The following ESRRG variants were observed in gnomAD, a reference collection of about 807,000 sequenced individuals.
The protein encoded by ESRRG is estrogen-related receptor gamma.
A neutral mutation model predicts 44.0 loss-of-function variants in ESRRG; 13 were observed. That is an observed-to-expected ratio of 0.30 (90% CI 0.19 to 0.47). ESRRG has a LOEUF of 0.47. ESRRG is among the 20% of genes least tolerant of loss of function. The probability of loss-of-function intolerance (pLI) is 1.00; values close to 1 mark genes in which losing one functional copy is unlikely to be tolerated. For missense variants in ESRRG, 395 were observed against 580.6 expected (o/e 0.68, Z 3.29); for synonymous variants, 215 against 214.6 (o/e 1.00, Z -0.02).
chr1:217,070,605 C>T (rs753104891), intron 1 of ESRRG, among the ~76,000 whole-genome samples: 78 of 152,168 alleles, frequency 5.1e-4, no homozygotes, highest in African/African-American at 1.7e-3. Context: ...GGTCTCGAAC[C>T]CCTGACCTCA....
chr1:216,739,180 A>C (rs1257169613), intron 2 of ESRRG, among the ~76,000 whole-genome samples: 1 of 152,092 alleles, frequency 6.6e-6, no homozygotes, highest in African/African-American at 2.4e-5. Context: ...CTTGAGAGTA[A>C]AACTGCATCC....
At chr1:216,540,855 T>G (rs2052482176) in intron 5 of ESRRG, among the ~76,000 whole-genome samples, 1 of 152,066 alleles carries the variant, frequency 6.6e-6, no homozygotes, top group Admixed American at 6.6e-5. Context: ...TTTCACTACT[T>G]AAAATTTTAC....
chr1:216,641,644 T>C (rs1361397289), intron 3 of ESRRG, among the ~76,000 whole-genome samples: 1 of 152,244 alleles, frequency 6.6e-6, no homozygotes, highest in African/African-American at 2.4e-5. Flanking sequence ...AATTTTTCTT[T>C]ATGTTCCAAT....
chr1:217,060,829 T>A (rs972996080), intron 1 of ESRRG, among the ~76,000 whole-genome samples: 4 of 149,788 alleles, frequency 2.7e-5, no homozygotes, highest in African/African-American at 9.9e-5. Context: ...GATAGATAGA[T>A]AGAAAAAAGG....
At chr1:216,957,434 C>T (rs1207051782) in intron 1 of ESRRG, among the ~76,000 whole-genome samples, 1 of 152,144 alleles carries the variant, frequency 6.6e-6, no homozygotes, top group Non-Finnish European at 1.5e-5. Flanking sequence ...TCAAAATTAA[C>T]ATTTCCAAAA....
chr1:216,849,833 A>G (rs138741339), intron 2 of ESRRG, among the ~76,000 whole-genome samples: 17 of 152,162 alleles, frequency 1.1e-4, no homozygotes, highest in African/African-American at 4.1e-4. Context: ...AGCCATCTAT[A>G]CTACAGTTTT....
intron 2 of ESRRG, among the ~76,000 whole-genome samples, chr1:216,873,569 T>C (rs2096291066): frequency 6.6e-6 from 1 of 151,996 alleles, no homozygotes; most frequent in African/African-American, 2.4e-5. Context: ...ACCAATGGAT[T>C]CTCTTAATTT....
intron 2 of ESRRG, among the ~76,000 whole-genome samples, chr1:216,909,952 A>G (rs1237664254): frequency 6.6e-6 from 1 of 152,180 alleles, no homozygotes; most frequent in Non-Finnish European, 1.5e-5. Flanking sequence ...AACAAAGAAC[A>G]TTGGATGTAG....
chr1:216,548,080 T>A (rs2055111891), intron 5 of ESRRG, among the ~76,000 whole-genome samples: 1 of 152,020 alleles, frequency 6.6e-6, no homozygotes, highest in African/African-American at 2.4e-5. Flanking sequence ...AAAATTCACA[T>A]CGGTTTTGCA....
intron 2 of ESRRG, among the ~76,000 whole-genome samples, chr1:216,905,858 G>A (rs1416474122): frequency 6.6e-6 from 1 of 152,092 alleles, no homozygotes; most frequent in Non-Finnish European, 1.5e-5. Flanking sequence ...TCAAGTGATT[G>A]TCTTGCCTCA....
chr1:216,779,486 A>ATATAAT (rs2093818815), intron 2 of ESRRG, among the ~76,000 whole-genome samples: 1 of 4,144 alleles, frequency 2.4e-4, no homozygotes. Context: ...ATAAATATAA[A>ATATAAT]TATATATTTA....
rs189804904 is a variant in ESRRG at position 216,773,408 on chromosome 1, C to A, written c.-13-95917G>T. On this transcript the variant is annotated intron_variant, in intron 2 of 7. Transcript: ENST00000359162. ...GACTGCCTTGATGTAGATATGGTAT[C>A]TTACTTAGGGAATTTATTTCTGCAC... Among the ~76,000 whole-genome samples the A allele has an allele frequency of 2.7e-3, 409 of 152,178 alleles. 1 individual carries two copies. Among genetic ancestry groups the A allele is most frequent in the African/African-American group, 9.6e-3 (397 of 41,532 alleles).
chr1:216,819,768 A>C (rs2095246689), intron 2 of ESRRG, among the ~76,000 whole-genome samples: 1 of 152,168 alleles, frequency 6.6e-6, no homozygotes, highest in Admixed American at 6.6e-5. Flanking sequence ...TAATATTAAT[A>C]ATCCTAAGCA....
chr1:216,648,646 T>A (rs1208076714), intron 3 of ESRRG, among the ~76,000 whole-genome samples: 1 of 152,192 alleles, frequency 6.6e-6, no homozygotes, highest in East Asian at 1.9e-4. Context: ...AAATGGTATG[T>A]AAATCATAGC....
At chr1:217,092,314 A>G (rs796429935), upstream of ESRRG, among the ~76,000 whole-genome samples, 6 of 152,226 alleles carry the variant, frequency 3.9e-5, no homozygotes, top group African/African-American at 7.2e-5. Context: ...AAAAATGCTT[A>G]CTAAGGTAGA....
intron 1 of ESRRG, among the ~76,000 whole-genome samples, chr1:217,038,534 C>T (rs1387382687): frequency 6.6e-6 from 1 of 152,244 alleles, no homozygotes; most frequent in Non-Finnish European, 1.5e-5. Flanking sequence ...GGGGTTTCCA[C>T]CCTTTGAAGC....
chr1:216,983,799 A>AC (rs1194916298), intron 1 of ESRRG, among the ~76,000 whole-genome samples: 2 of 144,628 alleles, frequency 1.4e-5, no homozygotes, highest in Non-Finnish European at 3.1e-5. Flanking sequence ...CCAAGTTATT[A>AC]TAAAAAATGC....
intron 2 of ESRRG, among the ~76,000 whole-genome samples, chr1:216,927,523 C>T (rs936155086): frequency 5.9e-5 from 9 of 152,196 alleles, no homozygotes; most frequent in Admixed American, 1.3e-4. Context: ...AATGGGCCAA[C>T]GTGCTGAGCT....
At chr1:216,741,152 A>G (rs1328859841) in intron 2 of ESRRG, among the ~76,000 whole-genome samples, 2 of 149,572 alleles carry the variant, frequency 1.3e-5, no homozygotes, top group African/African-American at 4.9e-5. Flanking sequence ...TAAACAGAGG[A>G]TTGAAAGCTC....
Sources: gnomAD v4.1 joint callset for allele counts (sites outside exome capture counted in the v4.1 genomes callset) on GRCh38, gnomAD v4.1.1 for gene constraint, MANE v1.5 for transcripts, NCBI Gene and HGNC (gene_info 2026-07-23, HGNC 2026-07-21) for gene names.